The following DLGAP1 variants were observed in gnomAD, a reference collection of about 807,000 sequenced individuals.
The protein encoded by DLGAP1 is DLG associated protein 1.
In DLGAP1, 11 loss-of-function variants were observed where a neutral mutation model predicts 90.8. The ratio of observed to expected loss-of-function variants is 0.12; its 90% CI spans 0.08 to 0.20. DLGAP1 has a LOEUF of 0.20. Among genes scored for constraint, DLGAP1 ranks in the 10% least tolerant of loss-of-function variants. The pLI is 1.00. For missense variants in DLGAP1, 1,050 were observed against 1,333.8 expected (o/e 0.79, Z 3.31); for synonymous variants, 558 against 540.7 (o/e 1.03, Z -0.44).
At chr18:3,941,348 G>A (rs2072764235) in intron 3 of DLGAP1, among the ~76,000 whole-genome samples, 2 of 152,184 alleles carry the variant, frequency 1.3e-5, no homozygotes, top group African/African-American at 2.4e-5. Context: ...GAGGGGCCTG[G>A]CTGCAGTTCA....
chr18:3,788,705 C>T (rs889193757), intron 5 of DLGAP1, among the ~76,000 whole-genome samples: 2 of 152,126 alleles, frequency 1.3e-5, no homozygotes, highest in Non-Finnish European at 2.9e-5. Context: ...CTATCACTAT[C>T]ATTCTAGAGC....
At chr18:3,786,305 C>G (rs1308194120) in intron 5 of DLGAP1, among the ~76,000 whole-genome samples, 3 of 152,084 alleles carry the variant, frequency 2.0e-5, no homozygotes, top group Non-Finnish European at 2.9e-5. Flanking sequence ...TATTTTGCAC[C>G]AAATGCTCCC....
At chr18:3,865,953 G>A (rs1041506665) in intron 4 of DLGAP1, among the ~76,000 whole-genome samples, 2 of 152,156 alleles carry the variant, frequency 1.3e-5, no homozygotes, top group African/African-American at 4.8e-5. Context: ...AGCATGGGAT[G>A]GAGATGAAAA....
chr18:3,700,078 G>A (rs775553706), intron 7 of DLGAP1, among the ~76,000 whole-genome samples: 46 of 152,178 alleles, frequency 3.0e-4, no homozygotes, highest in Non-Finnish European at 2.4e-4. Flanking sequence ...GGTGGGATCC[G>A]CTGAGCTAGA....
chr18:3,718,380 C>G (rs2061836993), intron 7 of DLGAP1, among the ~76,000 whole-genome samples: 1 of 152,042 alleles, frequency 6.6e-6, no homozygotes, highest in East Asian at 1.9e-4. Flanking sequence ...GTAACTTTGA[C>G]TGGCCTCCCC....
At chr18:3,895,467 T>C (rs9635813) in intron 3 of DLGAP1, among the ~76,000 whole-genome samples, 17,294 of 152,206 alleles carry the variant, frequency 0.11, 1,011 homozygotes, top group South Asian at 0.13. Flanking sequence ...ATATCATCCA[T>C]TGACTGTGAC....
chr18:4,398,454 T>C (rs182101680), intron 1 of DLGAP1, among the ~76,000 whole-genome samples: 4 of 152,368 alleles, frequency 2.6e-5, no homozygotes, highest in Admixed American at 2.6e-4. Context: ...ACATACCAAC[T>C]GAAATTACAC....
intron 1 of DLGAP1, among the ~76,000 whole-genome samples, chr18:4,192,038 T>C (rs569416258): frequency 2.0e-5 from 3 of 152,116 alleles, no homozygotes; most frequent in Non-Finnish European, 4.4e-5. Context: ...GGGGAAGGTG[T>C]ATTCAAATTT....
intron 1 of DLGAP1, among the ~76,000 whole-genome samples, chr18:4,414,111 G>T (rs2082839939): frequency 6.6e-6 from 1 of 152,092 alleles, no homozygotes; most frequent in Non-Finnish European, 1.5e-5. Context: ...TCTCCAATGT[G>T]AATGAAAAGT....
At chr18:4,425,873 T>C (rs2083140861) in intron 1 of DLGAP1, among the ~76,000 whole-genome samples, 1 of 152,190 alleles carries the variant, frequency 6.6e-6, no homozygotes, top group Admixed American at 6.5e-5. Flanking sequence ...TTAAAGTTTC[T>C]CTCTTTCCCA....
At chr18:3,961,887 A>G (rs1050421496) in intron 3 of DLGAP1, among the ~76,000 whole-genome samples, 1 of 152,228 alleles carries the variant, frequency 6.6e-6, no homozygotes, top group African/African-American at 2.4e-5. Context: ...CACAGGGCAC[A>G]GGACAGTGGC....
chr18:4,091,963 CAGTATGGGCTAAGATAAAT>C (rs1289906271), intron 2 of DLGAP1, among the ~76,000 whole-genome samples: 2 of 151,770 alleles, frequency 1.3e-5, no homozygotes, highest in East Asian at 3.9e-4. Context: ...AAGGATAGGA[CAGTATGGGCTAAGATAAAT>C]AGTATCTATG....
intron 1 of DLGAP1, among the ~76,000 whole-genome samples, chr18:4,265,942 A>C (rs1293529554): frequency 1.3e-5 from 2 of 151,276 alleles, no homozygotes; most frequent in Non-Finnish European, 2.9e-5. Flanking sequence ...CCCTCCTCAG[A>C]CTCCAGAAGT....
chr18:3,617,515 C>T (rs541740022), intron 7 of DLGAP1, among the ~76,000 whole-genome samples: 6 of 145,762 alleles, frequency 4.1e-5, no homozygotes, highest in African/African-American at 7.6e-5. Context: ...CAGAAGAATC[C>T]GGGAGGTGGA....
chr18:3,697,498 T>C (rs546639836), intron 7 of DLGAP1, among the ~76,000 whole-genome samples: 1 of 152,246 alleles, frequency 6.6e-6, no homozygotes, highest in African/African-American at 2.4e-5. Flanking sequence ...AGTCTTGTGG[T>C]TTTGAGTGAG....
rs1406472280 is a variant in DLGAP1, at chr18:3,565,872, A to AATG, written c.2057+1615_2057+1617dup. On this transcript the variant is annotated intron_variant, in intron 9 of 12. Coordinates refer to ENST00000315677, the MANE Select transcript of DLGAP1 (RefSeq NM_004746.4). The surrounding 1 kb of genome is among the most constrained non-coding windows in gnomAD (Gnocchi z 4.0). ...CACAAAAAACAAACAAACAAAAAAA[A>AATG]ATGATTACTAAAACTTTTCAGAGTA... Among the ~76,000 whole-genome samples, 4 of 152,050 alleles carry AATG rather than the reference A, an allele frequency of 2.6e-5. No individual in the cohort carries two copies. The highest frequency in any genetic ancestry group is 9.7e-5 in the African/African-American group (4 of 41,396).
At chr18:4,370,817 C>T (rs1259769105) in intron 1 of DLGAP1, among the ~76,000 whole-genome samples, 1 of 151,478 alleles carries the variant, frequency 6.6e-6, no homozygotes, top group East Asian at 1.9e-4. Flanking sequence ...GTAATACATA[C>T]AAAAATACAA....
intron 11 of DLGAP1, among the ~76,000 whole-genome samples, chr18:3,506,513 CAAAAAAAAAAAAA>C (rs11316330): frequency 2.9e-5 from 2 of 69,626 alleles, no homozygotes; most frequent in Admixed American, 4.7e-4. Flanking sequence ...GACTCCGTCT[CAAAAAAAAAAAAA>C]AAAAAAAAAA....
In DLGAP1 at chr18:3,744,812, T is replaced by C. The variant is rs562342449; in HGVS notation, c.1173-2300A>G. Among the ~76,000 whole-genome samples, 163 of 152,268 alleles carry C rather than the reference T, an allele frequency of 1.1e-3. 2 individuals carry two copies. The highest frequency in any genetic ancestry group is 3.8e-3 in the African/African-American group (158 of 41,576). ...CTGCCCACCTTGGCCTCCCAAAGTG[T>C]TGGGATTACAGGCATAAGCCACTGC... On this transcript the variant is annotated intron_variant, in intron 5 of 12. Coordinates refer to ENST00000315677, the MANE Select transcript of DLGAP1 (RefSeq NM_004746.4).
Sources: allele counts gnomAD v4.1 joint callset (sites outside exome capture counted in the v4.1 genomes callset), GRCh38; gene constraint gnomAD v4.1.1; non-coding constraint Gnocchi (gnomAD v3.1); transcripts MANE v1.5; gene names NCBI Gene and HGNC (gene_info 2026-07-23, HGNC 2026-07-21).